The following RIMBP2 variants were observed in gnomAD, a reference collection of about 807,000 sequenced individuals.
The protein encoded by RIMBP2 is RIMS-binding protein 2.
RIMBP2 carries 48 observed loss-of-function variants against 118.6 expected under a neutral mutation model. That is an observed-to-expected ratio of 0.40 (90% CI 0.32 to 0.51). RIMBP2 has a LOEUF of 0.51. Ranked by LOEUF, RIMBP2 falls within the 20% of genes least tolerant of loss-of-function variation. The probability of loss-of-function intolerance (pLI) is 0.41; values close to 1 mark genes in which losing one functional copy is unlikely to be tolerated. For synonymous variants in RIMBP2, 762 were observed against 742.9 expected, an observed-to-expected ratio of 1.03 and a Z score of -0.42; for missense variants, 1,551 against 1,768.3, an observed-to-expected ratio of 0.88 and a Z score of 2.20.
intron 2 of RIMBP2, among the ~76,000 whole-genome samples, chr12:130,608,024 A>C (rs2060289269): frequency 6.6e-6 from 1 of 152,142 alleles, no homozygotes; most frequent in African/African-American, 2.4e-5. Flanking sequence ...CACTGAAGTA[A>C]ATATGCTCAA....
chr12:130,477,126 C>G (rs2081498923), intron 5 of RIMBP2, among the ~76,000 whole-genome samples: 1 of 152,240 alleles, frequency 6.6e-6, no homozygotes. Flanking sequence ...AGTGAAGCAT[C>G]AGTGTGTCCA....
At chr12:130,516,753 A>T (rs2051507064) in intron 3 of RIMBP2, among the ~76,000 whole-genome samples, 1 of 152,234 alleles carries the variant, frequency 6.6e-6, no homozygotes, top group Non-Finnish European at 1.5e-5. Flanking sequence ...CAAGATGGAC[A>T]GGATGGCAGC....
intron 4 of RIMBP2, among the ~76,000 whole-genome samples, chr12:130,489,495 C>T (rs544055980): frequency 2.6e-5 from 4 of 152,210 alleles, no homozygotes; most frequent in Non-Finnish European, 4.4e-5. Context: ...GCAGCATCGG[C>T]GGGAGGGAAG....
At chr12:130,694,031 A>G (rs1432935262) in intron 1 of RIMBP2, among the ~76,000 whole-genome samples, 3 of 152,232 alleles carry the variant, frequency 2.0e-5, no homozygotes, top group African/African-American at 7.2e-5. Context: ...CCGAACTTCC[A>G]TGCCATAAGA....
intron 1 of RIMBP2, among the ~76,000 whole-genome samples, chr12:130,640,685 TG>T (rs1308929503): frequency 2.6e-5 from 4 of 152,174 alleles, no homozygotes; most frequent in African/African-American, 9.6e-5. Context: ...AGGCACCTCC[TG>T]GTCCTACAGC....
rs1357788917 is a variant in RIMBP2, at chr12:130,573,420, G to C, written c.-217+54902C>G. On this transcript the variant is annotated intron_variant, in intron 2 of 22. Transcript: ENST00000690449. Reference sequence around the variant, plus strand: ...TGTGTGTGCGACTGTGTGCGTGTGAGTGTGTGCGTGGGTGTGTGCGTGGGT... The same window carrying C: ...TGTGTGTGCGACTGTGTGCGTGTGACTGTGTGCGTGGGTGTGTGCGTGGGT... 9.2e-5 allele frequency among the ~76,000 whole-genome samples: 14 copies of C among 151,566 alleles called. 1 individual carries two copies. The East Asian group carries it at 2.7e-3, about 29-fold the overall frequency.
intron 3 of RIMBP2, among the ~76,000 whole-genome samples, chr12:130,508,892 C>T (rs1483567691): frequency 1.3e-5 from 2 of 152,156 alleles, no homozygotes; most frequent in African/African-American, 2.4e-5. Context: ...CTATTGCTGT[C>T]AGCCCTCCCA....
chr12:130,409,492 G>A (rs1258064400), intron 19 of RIMBP2, among the ~76,000 whole-genome samples: 2 of 151,886 alleles, frequency 1.3e-5, no homozygotes, highest in Non-Finnish European at 2.9e-5. Context: ...GCAGGCGCCC[G>A]CCACCACGCC....
At chr12:130,715,462 G>A (rs1950264094) in intron 1 of RIMBP2, among the ~76,000 whole-genome samples, 1 of 152,110 alleles carries the variant, frequency 6.6e-6, no homozygotes, top group Non-Finnish European at 1.5e-5. Flanking sequence ...CCCCCACCTG[G>A]ACCTACCCAG....
At position 130,445,212 on chromosome 12, in the gene RIMBP2, C is replaced by T. The variant is rs77391015; in HGVS notation, c.639G>A (p.Ala213=). ...ENPEAELPLT[A]GKYLYVYGDM... is the part of the protein sequence containing the mutation. The stretch of plus-strand genomic sequence containing the variant: ...CTCCATAGACGTAGAGGTATTTTCC[C>T]GCCGTGAGGGGCAGCTCAGCTTCGG... The change falls in exon 10 of 23, where the codon GCG becomes GCA. Residue 213 remains alanine, a synonymous_variant. Transcript: ENST00000690449. 3.2e-3 allele frequency: 5,107 copies of T among 1,613,312 alleles called. 134 individuals are homozygous for T. The African/African-American group carries it at 0.057, about 18-fold the overall frequency.
intron 11 of RIMBP2, 151 bp from the exon 12 acceptor site, chr12:130,438,667 CTG>C (rs1411208771): frequency 3.1e-6 from 1 of 325,360 alleles, no homozygotes; most frequent in Admixed American, 4.7e-5. Context: ...ACATCAGAAA[CTG>C]TGGTGAGGTG....
chr12:130,573,757 T>C (rs1470375237), intron 2 of RIMBP2, among the ~76,000 whole-genome samples: 1 of 152,084 alleles, frequency 6.6e-6, no homozygotes. Flanking sequence ...CAAGTCAGCA[T>C]GACACAGCCG....
intron 2 of RIMBP2, among the ~76,000 whole-genome samples, chr12:130,571,934 G>A (rs1402904716): frequency 6.6e-6 from 1 of 152,112 alleles, no homozygotes. Context: ...CCTCCACCCT[G>A]AGCACCGTCC....
At chr12:130,498,811 C>T (rs1000889654) in intron 4 of RIMBP2, among the ~76,000 whole-genome samples, 6 of 152,116 alleles carry the variant, frequency 3.9e-5, no homozygotes, top group African/African-American at 9.7e-5. Context: ...GCCATCTGAG[C>T]GTAACTACCC....
intron 1 of RIMBP2, among the ~76,000 whole-genome samples, chr12:130,634,391 T>G (rs1373687438): frequency 6.6e-6 from 1 of 152,082 alleles, no homozygotes; most frequent in East Asian, 1.9e-4. Flanking sequence ...GTTTAATGTT[T>G]TCTATGCCCT....
chr12:130,695,717 G>A (rs1373527982), intron 1 of RIMBP2, among the ~76,000 whole-genome samples: 3 of 152,144 alleles, frequency 2.0e-5, no homozygotes, highest in African/African-American at 7.2e-5. Context: ...TGATCAATAA[G>A]ACTAGAGGCC....
chr12:130,608,642 G>T (rs1374956700), intron 2 of RIMBP2, among the ~76,000 whole-genome samples: 2 of 152,198 alleles, frequency 1.3e-5, no homozygotes, highest in Non-Finnish European at 1.5e-5. Context: ...GCCCTGTGGG[G>T]ACAGAGCGCT....
chr12:130,456,251 A>G (rs1390005183), intron 7 of RIMBP2, among the ~76,000 whole-genome samples: 1 of 151,984 alleles, frequency 6.6e-6, no homozygotes, highest in Non-Finnish European at 1.5e-5. Flanking sequence ...TCGCCTGTAA[A>G]ATGGGCCCAT....
intron 1 of RIMBP2, among the ~76,000 whole-genome samples, chr12:130,669,724 C>T (rs998172477): frequency 2.0e-5 from 3 of 152,244 alleles, no homozygotes; most frequent in South Asian, 2.1e-4. Flanking sequence ...TGAGAACGGA[C>T]GAACACACTA....
Sources: allele counts gnomAD v4.1 joint callset (sites outside exome capture counted in the v4.1 genomes callset), GRCh38; gene constraint gnomAD v4.1.1; transcripts MANE v1.5; gene names NCBI Gene and HGNC (gene_info 2026-07-23, HGNC 2026-07-21).